Variants in MAST4 observed in about 807,000 individuals in gnomAD.
MAST4 encodes microtubule-associated serine/threonine-protein kinase 4.
A neutral mutation model predicts 162.7 loss-of-function variants in MAST4; 89 were observed. That is an observed-to-expected ratio of 0.55 (90% CI 0.46 to 0.65). MAST4 has a LOEUF of 0.65. Ranked by LOEUF, MAST4 falls within the 30% of genes least tolerant of loss-of-function variation. The pLI, the probability that MAST4 is intolerant of heterozygous loss-of-function variation, is 0.00. For synonymous variants in MAST4, 1,479 were observed against 1,361.1 expected, an observed-to-expected ratio of 1.09 and a Z score of -1.91; for missense variants, 3,153 against 3,374.0, an observed-to-expected ratio of 0.93 and a Z score of 1.62.
chr5:67,027,421 G>T (rs1049493703), intron 4 of MAST4, among the ~76,000 whole-genome samples: 1 of 152,090 alleles, frequency 6.6e-6, no homozygotes, highest in African/African-American at 2.4e-5. Flanking sequence ...TGCACATAAG[G>T]ATCTGGAGGG....
At chr5:66,974,603 C>A (rs1282049626) in intron 4 of MAST4, among the ~76,000 whole-genome samples, 1 of 152,190 alleles carries the variant, frequency 6.6e-6, no homozygotes, top group Non-Finnish European at 1.5e-5. Flanking sequence ...TTTTATGATG[C>A]ATTTCCTTCG....
intron 26 of MAST4, among the ~76,000 whole-genome samples, chr5:67,156,196 T>C (rs1212928717): frequency 1.3e-5 from 2 of 152,114 alleles, no homozygotes; most frequent in Non-Finnish European, 2.9e-5. Context: ...AGGTGGGTGC[T>C]ATAAATATAA....
chr5:66,776,141 A>G (rs1338896290), intron 2 of MAST4, among the ~76,000 whole-genome samples: 1 of 152,222 alleles, frequency 6.6e-6, no homozygotes, highest in African/African-American at 2.4e-5. Flanking sequence ...AAGTTTCTGC[A>G]TAGGTTGTGA....
intron 28 of MAST4, 136 bp downstream of exon 28, chr5:67,162,924 A>G (rs1773371777): frequency 1.9e-6 from 2 of 1,040,896 alleles, no homozygotes. Flanking sequence ...ATTTATAGAG[A>G]GGTCATAAGA....
intron 4 of MAST4, among the ~76,000 whole-genome samples, chr5:66,953,122 G>A (rs1744894049): frequency 1.3e-5 from 2 of 152,166 alleles, no homozygotes; most frequent in South Asian, 4.1e-4. Context: ...TGGTTAGAGA[G>A]CACATACACA....
At chr5:66,825,775 A>G (rs1050963121) in intron 3 of MAST4, among the ~76,000 whole-genome samples, 1 of 152,132 alleles carries the variant, frequency 6.6e-6, no homozygotes, top group African/African-American at 2.4e-5. Flanking sequence ...TTTTAATGAA[A>G]TACTGCAAAG....
intron 4 of MAST4, among the ~76,000 whole-genome samples, chr5:66,964,284 C>G (rs1746376429): frequency 6.6e-6 from 1 of 152,162 alleles, no homozygotes; most frequent in Non-Finnish European, 1.5e-5. Context: ...ATTATATTCA[C>G]TCTTCTCTGT....
At chr5:66,819,294 A>G (rs934606080) in intron 3 of MAST4, among the ~76,000 whole-genome samples, 3 of 152,200 alleles carry the variant, frequency 2.0e-5, no homozygotes, top group African/African-American at 4.8e-5. Context: ...AATAATTTAT[A>G]TATACCTCTC....
At chr5:67,002,904 A>G (rs1205297419) in intron 4 of MAST4, among the ~76,000 whole-genome samples, 1 of 150,746 alleles carries the variant, frequency 6.6e-6, no homozygotes, top group Non-Finnish European at 1.5e-5. Context: ...TTACCTCCCA[A>G]GGGACATTTG....
chr5:66,759,630 A>C (rs1481571686), intron 1 of MAST4, 79 bp from the exon 2 acceptor site: 2 of 1,519,734 alleles, frequency 1.3e-6, no homozygotes, highest in Non-Finnish European at 1.8e-6. Flanking sequence ...GAAAGGAAGA[A>C]AAAGTGTGAA....
chr5:67,112,406 T>C (rs1348770428), intron 11 of MAST4, among the ~76,000 whole-genome samples: 1 of 152,142 alleles, frequency 6.6e-6, no homozygotes, highest in Non-Finnish European at 1.5e-5. Context: ...TACGCAGAGA[T>C]AGCATTAGAT....
At chr5:66,637,699 TTC>T (rs1745214267) in intron 1 of MAST4, among the ~76,000 whole-genome samples, 1 of 152,164 alleles carries the variant, frequency 6.6e-6, no homozygotes, top group African/African-American at 2.4e-5. Flanking sequence ...TTGATATATC[TTC>T]TTTTTCTTTC....
chr5:67,075,298 A>T (rs765446235), intron 5 of MAST4, among the ~76,000 whole-genome samples: 2 of 150,842 alleles, frequency 1.3e-5, no homozygotes, highest in Admixed American at 1.3e-4. Flanking sequence ...CAGCCTCCTT[A>T]GTAACTGAGA....
chr5:66,623,456 AT>A (rs760754219), intron 1 of MAST4, among the ~76,000 whole-genome samples: 4 of 152,236 alleles, frequency 2.6e-5, no homozygotes, highest in Admixed American at 2.0e-4. Flanking sequence ...ACCAAGTGGG[AT>A]TTATCCCTGG....
At chr5:66,856,541 G>A (rs1759695318) in intron 3 of MAST4, among the ~76,000 whole-genome samples, 1 of 152,230 alleles carries the variant, frequency 6.6e-6, no homozygotes, top group South Asian at 2.1e-4. Flanking sequence ...CAGTTTTGAA[G>A]AGTTATTAAT....
chr5:67,054,547 T>A (rs1238407659), intron 5 of MAST4, 55 bp downstream of exon 5: 49 of 1,428,374 alleles, frequency 3.4e-5, no homozygotes, highest in Non-Finnish European at 4.1e-5. Context: ...GTTGGTTTTT[T>A]AAAATAATTA....
intron 1 of MAST4, among the ~76,000 whole-genome samples, chr5:66,692,462 G>C (rs1749109598): frequency 6.7e-6 from 1 of 149,846 alleles, no homozygotes; most frequent in African/African-American, 2.5e-5. Context: ...ACATAGGCTA[G>C]ACCTAGCTAG....
intron 3 of MAST4, among the ~76,000 whole-genome samples, chr5:66,826,611 C>T (rs544892941): frequency 1.3e-5 from 2 of 152,126 alleles, no homozygotes; most frequent in African/African-American, 2.4e-5. Flanking sequence ...ACCACCCCCC[C>T]CAATCCCCCG....
At chr5:67,060,149 C>T (rs891298572) in intron 5 of MAST4, among the ~76,000 whole-genome samples, 3 of 152,080 alleles carry the variant, frequency 2.0e-5, no homozygotes, top group Non-Finnish European at 4.4e-5. Flanking sequence ...GACCTTTCTC[C>T]TTTTGATTTC....
Sources: gnomAD v4.1 joint callset for allele counts (sites outside exome capture counted in the v4.1 genomes callset) on GRCh38, gnomAD v4.1.1 for gene constraint, MANE v1.5 for transcripts, NCBI Gene and HGNC (gene_info 2026-07-23, HGNC 2026-07-21) for gene names.